TRAK1: variants seen among roughly 807,000 people sequenced by gnomAD.
TRAK1 encodes the protein trafficking kinesin-binding protein 1.
In TRAK1, 33 loss-of-function variants were observed where a neutral mutation model predicts 92.1. That is an observed-to-expected ratio of 0.36 (90% confidence interval 0.27 to 0.48). TRAK1 has a LOEUF of 0.48. TRAK1 is among the 20% of genes least tolerant of loss of function. The pLI is 0.99. For missense variants in TRAK1, 1,123 were observed against 1,257.9 expected, an observed-to-expected ratio of 0.89 and a Z score of 1.62; for synonymous variants, 521 against 517.3, an observed-to-expected ratio of 1.01 and a Z score of -0.10.
intron 1 of TRAK1, among the ~76,000 whole-genome samples, chr3:42,071,729 A>C (rs1261914351): frequency 6.9e-6 from 1 of 144,426 alleles, no homozygotes; most frequent in Non-Finnish European, 1.5e-5. Context: ...AAAGATACCC[A>C]CTCTCTCTCC....
intron 1 of TRAK1, among the ~76,000 whole-genome samples, chr3:42,110,995 C>T (rs752222375): frequency 1.6e-4 from 24 of 152,112 alleles, no homozygotes; most frequent in Non-Finnish European, 2.9e-4. Flanking sequence ...ATCACTAAAT[C>T]AGTGACTACA....
intron 1 of TRAK1, among the ~76,000 whole-genome samples, chr3:42,060,484 G>A (rs1006448484): frequency 1.3e-4 from 20 of 152,042 alleles, no homozygotes; most frequent in African/African-American, 4.4e-4. Context: ...GTAATGTAAC[G>A]GTAGAGGAGT....
At chr3:42,204,513 G>A (rs114179056) in intron 13 of TRAK1, among the ~76,000 whole-genome samples, 1,872 of 152,282 alleles carry the variant, frequency 0.012, 43 homozygotes, top group African/African-American at 0.043. Context: ...TATCACAGTG[G>A]CCTATAACAC....
At chr3:42,034,517 C>A (rs1702258496) in intron 1 of TRAK1, among the ~76,000 whole-genome samples, 1 of 152,184 alleles carries the variant, frequency 6.6e-6, no homozygotes, top group African/African-American at 2.4e-5. Flanking sequence ...GGTCTAACTC[C>A]TGGGCTCAAG....
At chr3:42,149,425 T>C in intron 2 of TRAK1, 10 of 1,507,388 alleles carry the variant, frequency 6.6e-6, no homozygotes, top group Non-Finnish European at 8.8e-6. Context: ...CTGGTGTGTT[T>C]CGGGATATTC....
At chr3:42,154,202 T>C (rs1270331375) in intron 2 of TRAK1, among the ~76,000 whole-genome samples, 1 of 152,218 alleles carries the variant, frequency 6.6e-6, no homozygotes. Context: ...AGATGGAGTC[T>C]TGCTGTGTCA....
chr3:42,079,624 C>T (rs1327576666), intron 1 of TRAK1, among the ~76,000 whole-genome samples: 1 of 151,862 alleles, frequency 6.6e-6, no homozygotes, highest in Non-Finnish European at 1.5e-5. Context: ...GGACTACAGG[C>T]GCTCACCACC....
intron 1 of TRAK1, among the ~76,000 whole-genome samples, chr3:42,070,970 A>C (rs927170671): frequency 6.6e-6 from 1 of 151,658 alleles, no homozygotes; most frequent in African/African-American, 2.4e-5. Context: ...CCTGTGGGCA[A>C]GTTATCTCCA....
At chr3:42,016,786 CAAGT>C (rs990733463) in intron 1 of TRAK1, among the ~76,000 whole-genome samples, 10 of 152,218 alleles carry the variant, frequency 6.6e-5, no homozygotes, top group Middle Eastern at 6.8e-3. Flanking sequence ...CTTTGGGGCT[CAAGT>C]AAGAAAGGCA....
intron 1 of TRAK1, among the ~76,000 whole-genome samples, chr3:42,052,776 G>A (rs1251695582): frequency 6.6e-6 from 1 of 152,048 alleles, no homozygotes; most frequent in Non-Finnish European, 1.5e-5. Flanking sequence ...GTTCTGTATT[G>A]CCCCCTCCCC....
Position 42,192,382 on chromosome 3 carries a change from G to GGTCAGAATACTAAGTATATTGCATTTC in TRAK1, c.770-689_770-688insGAATACTAAGTATATTGCATTTCGTCA, listed in dbSNP as rs1415549383. On this transcript the variant is annotated intron_variant, in intron 7 of 15. Coordinates refer to ENST00000327628, the MANE Select transcript of TRAK1 (RefSeq NM_001042646.3). Reference sequence around the variant, plus strand: ...TTTAAGTTTACAAGTTAAGACCAAAGGTCAAAATACTAAGTATATTGCATT... The same window carrying GGTCAGAATACTAAGTATATTGCATTTC: ...TTTAAGTTTACAAGTTAAGACCAAAGGTCAGAATACTAAGTATATTGCATTTCGTCAAAATACTAAGTATATTGCATT... Among the ~76,000 whole-genome samples, 70 of 94,294 alleles carry GGTCAGAATACTAAGTATATTGCATTTC rather than the reference G, an allele frequency of 7.4e-4. 1 individual carries two copies. In the South Asian group the frequency reaches 0.012, roughly 16 times the overall value. 61.9% of individuals were successfully genotyped at this position (94,294 alleles called of 152,430 possible).
chr3:42,031,060 G>C (rs1373681469), intron 1 of TRAK1, among the ~76,000 whole-genome samples: 1 of 140,234 alleles, frequency 7.1e-6, no homozygotes, highest in Non-Finnish European at 1.5e-5. Context: ...TTTTGAGATG[G>C]AGTCTCGCTC....
intron 1 of TRAK1, among the ~76,000 whole-genome samples, chr3:42,079,594 C>T (rs2148949294): frequency 6.6e-6 from 1 of 151,472 alleles, no homozygotes; most frequent in African/African-American, 2.4e-5. Flanking sequence ...ATTCTCCTGC[C>T]TCAACCTCCC....
intron 1 of TRAK1, among the ~76,000 whole-genome samples, chr3:42,109,512 A>G (rs1434085389): frequency 2.0e-5 from 3 of 152,248 alleles, no homozygotes; most frequent in Admixed American, 2.0e-4. Flanking sequence ...TTGAGATGGG[A>G]AAGTCCATCC....
chr3:42,123,437 G>A (rs1381055630), intron 1 of TRAK1, among the ~76,000 whole-genome samples: 1 of 151,846 alleles, frequency 6.6e-6, no homozygotes, highest in Non-Finnish European at 1.5e-5. Flanking sequence ...TGGCCCTGCA[G>A]TGAATCCCTG....
chr3:42,050,404 C>G (rs1702933209), intron 1 of TRAK1, among the ~76,000 whole-genome samples: 1 of 151,996 alleles, frequency 6.6e-6, no homozygotes, highest in South Asian at 2.1e-4. Flanking sequence ...TTTATATGAA[C>G]CTTGGGTCAG....
intron 1 of TRAK1, among the ~76,000 whole-genome samples, chr3:42,093,825 C>T (rs930851528): frequency 2.0e-5 from 3 of 150,480 alleles, no homozygotes; most frequent in Admixed American, 6.6e-5. Context: ...CCCTCAACCT[C>T]CTGAATAGCT....
rs68023368 is a variant in TRAK1, at chr3:42,191,895, A to ATTT, written c.769+280_769+282dup. 2.3e-3 allele frequency among the ~76,000 whole-genome samples: 170 copies of ATTT among 72,756 alleles called. 33 individuals carry two copies. The highest frequency in any genetic ancestry group is 0.03 in the Middle Eastern group (2 of 66). The allele number at this position is 72,756 out of a possible 152,430, so 47.7% of individuals were successfully genotyped here. ...TTTGGCTTTATACTGGAATATTGGAATTTTTTTTTTTTTTTTTTTTTTTGA... is the reference window on the plus strand; with the variant it reads ...TTTGGCTTTATACTGGAATATTGGAATTTTTTTTTTTTTTTTTTTTTTTTTTGA... On this transcript the variant is annotated intron_variant, in intron 7 of 15. Coordinates refer to ENST00000327628, the MANE Select transcript of TRAK1 (RefSeq NM_001042646.3).
chr3:42,042,651 G>C (rs1702593214), intron 1 of TRAK1, among the ~76,000 whole-genome samples: 2 of 146,642 alleles, frequency 1.4e-5, no homozygotes, highest in Admixed American at 1.3e-4. Context: ...GATTACAGGT[G>C]TGAGCCACCG....
Sources: allele counts gnomAD v4.1 joint callset (sites outside exome capture counted in the v4.1 genomes callset), GRCh38; gene constraint gnomAD v4.1.1; transcripts MANE v1.5; gene names NCBI Gene and HGNC (gene_info 2026-07-23, HGNC 2026-07-21).